Variants in MAPK7 observed in about 807,000 individuals in gnomAD.
MAPK7 encodes BMK-1.
Under a neutral mutation model 56.9 loss-of-function variants are expected in MAPK7, and 30 were observed. That is an observed-to-expected ratio of 0.53 (90% CI 0.39 to 0.72). The LOEUF is 0.72. MAPK7 is among the 30% of genes least tolerant of loss of function. MAPK7 has a pLI of 0.00. For synonymous variants in MAPK7, 516 were observed against 449.3 expected (o/e 1.15, Z -1.88); for missense variants, 952 against 1,110.8 (o/e 0.86, Z 2.03).
At position 19,382,371 on chromosome 17, in the gene MAPK7, G is replaced by A. The variant is rs1229180120; in HGVS notation, c.2068G>A (p.Gly690Ser). The change falls in exon 5 of 7, where the codon GGC becomes AGC. Residue 690 changes from glycine to serine, a missense_variant. Physicochemically the swap from Gly to Ser is moderately conservative, Grantham distance 56. This residue lies in a region of MAPK7 where 234 missense variants were observed against 210.4 expected (regional missense o/e 1.11). Coordinates refer to ENST00000395604, the MANE Select transcript of MAPK7 (RefSeq NM_002749.4). The stretch of plus-strand genomic sequence containing the variant: ...AGGAGTTTTGCCTTACTTCCCACCT[G>A]GCCTGCCGCCCCCAGACGCCGGGGG... ...TPGVLPYFPPGLPPPDAGGAP... is the reference protein window; with the variant it reads ...TPGVLPYFPPSLPPPDAGGAP... The A allele has an allele frequency of 2.3e-5, 37 of 1,613,436 alleles. No homozygotes were observed. The highest frequency in any genetic ancestry group is 2.8e-5 in the Non-Finnish European group (33 of 1,180,022).
rs1598114758 is a variant in MAPK7 at position 19,381,169 on chromosome 17, C to T, written c.960C>T (p.Ala320=). ...ETVYPGADRQ[A]LSLLGRMLRF... is the part of the protein sequence containing the mutation. ...TGTACCCAGGTGCCGACCGCCAGGCCCTATCACTGCTGGGTCGCATGCTGC... is the reference window on the plus strand; with the variant it reads ...TGTACCCAGGTGCCGACCGCCAGGCTCTATCACTGCTGGGTCGCATGCTGC... The change falls in exon 4 of 7, where the codon GCC becomes GCT. Residue 320 remains alanine (A), a synonymous_variant. Transcript: ENST00000395604. This position sits in a 1 kb window ranked among gnomAD's most constrained non-coding sequence, Gnocchi z 4.6. 6.2e-7 allele frequency: 1 copy of T among 1,614,132 alleles called. No homozygotes were observed. The highest frequency in any genetic ancestry group is 2.2e-5 in the East Asian group (1 of 44,872).
At chr17:19,380,411 G>C in intron 3 of MAPK7, 197 bp from the exon 4 acceptor site, 3 of 1,382,212 alleles carry the variant, frequency 2.2e-6, no homozygotes, top group Non-Finnish European at 2.8e-6. Flanking sequence ...AGACAAAAGT[G>C]ATTTAACCAA....
rs1313701692 is a variant in MAPK7, at chr17:19,381,285, G to A, written c.1076G>A (p.Cys359Tyr). 3 of 1,613,960 alleles carry A rather than the reference G, an allele frequency of 1.9e-6. No individual in the cohort carries two copies. Among genetic ancestry groups the A allele is most frequent in the African/African-American group, 1.3e-5 (1 of 74,954 alleles). Residue 359 changes from cysteine (C) to tyrosine (Y), a missense_variant, in exon 4 of 7, where the codon TGT (cysteine) becomes TAT (tyrosine). Around this residue, in one of 5 missense-constraint regions of MAPK7, gnomAD observed 429 missense variants for 533.0 expected, o/e 0.80. Transcript: ENST00000395604. The surrounding 1 kb of genome is among the most constrained non-coding windows in gnomAD (Gnocchi z 4.6). ...CATGATCCTGATGATGAGCCTGACT[G>A]TGCCCCGCCCTTTGACTTTGCCTTT... ...KYHDPDDEPD[C>Y]APPFDFAFDR... is the part of the protein sequence containing the mutation.
chr17:19,381,677 C>A lies in MAPK7; in HGVS notation c.1468C>A (p.Arg490=), dbSNP rs140977816. 8.5e-4 allele frequency: 1,348 copies of A among 1,590,314 alleles called. 26 individuals are homozygous for A. The Admixed American group carries it at 0.023, about 27-fold the overall frequency. Residue 490 remains arginine, a synonymous_variant, in exon 4 of 7, where the codon CGG becomes AGG. Transcript: ENST00000395604. The surrounding 1 kb of genome is among the most constrained non-coding windows in gnomAD (Gnocchi z 4.6). ...KAALLKSLRS[R]LRDGPSAPLE... ...TGCCCTGCTCAAGTCTTTGAGGAGC[C>A]GGCTCAGAGGTGCCTTGTGGGCAGG...
Position 19,380,702 on chromosome 17 carries a change from C to G in MAPK7, c.493C>G (p.Gln165Glu). Residue 165 changes from glutamine to glutamate, a missense_variant, in exon 4 of 7, where the codon CAA becomes GAA. Coordinates refer to ENST00000395604, the MANE Select transcript of MAPK7 (RefSeq NM_002749.4). ...GGAACACGTGCGCTACTTCCTGTAC[C>G]AACTGCTGCGGGGCCTGAAGTACAT... is the stretch of plus-strand genomic sequence containing the variant. ...TLEHVRYFLY[Q>E]LLRGLKYMHS... is the part of the protein sequence containing the mutation. 6.2e-7 allele frequency: 1 copy of G among 1,614,186 alleles called. No individual in the cohort carries two copies. Among genetic ancestry groups the G allele is most frequent in the Non-Finnish European group, 8.5e-7 (1 of 1,180,036 alleles).
rs1912778321 is a variant in MAPK7 at position 19,382,301 on chromosome 17, C to A, written c.1998C>A (p.Ala666=). ...QIATSTSLLA[A]QSLVPPPGLP... is the part of the protein sequence containing the mutation. ...CCACCTCCACCAGCCTCCTGGCTGCCCAGTCACTTGTGCCACCCCCTGGGC... is the reference window on the plus strand; with the variant it reads ...CCACCTCCACCAGCCTCCTGGCTGCACAGTCACTTGTGCCACCCCCTGGGC... Residue 666 remains alanine (A), a synonymous_variant, in exon 5 of 7, where the codon GCC becomes GCA. Coordinates refer to ENST00000395604, the MANE Select transcript of MAPK7 (RefSeq NM_002749.4). 5.0e-6 allele frequency: 8 copies of A among 1,613,226 alleles called. No individual in the cohort carries two copies. The highest frequency in any genetic ancestry group is 5.9e-6 in the Non-Finnish European group (7 of 1,179,994).
In MAPK7 at chr17:19,379,685, C is replaced by CA. The variant is rs34984998; in HGVS notation, c.233-96dup. Reference sequence around the variant, plus strand: ...GTACCCAATACTTGGTAGCTGTTGTCATTTGCATCCTAGAAGGGAGGTGTT... The same window carrying CA: ...GTACCCAATACTTGGTAGCTGTTGTCAATTTGCATCCTAGAAGGGAGGTGTT... On this transcript the variant is annotated intron_variant, in intron 2 of 6. Transcript: ENST00000395604. The CA allele has an allele frequency of 1.3e-3, 1,442 of 1,123,164 alleles. 2 individuals carry two copies. The highest frequency in any genetic ancestry group is 2.3e-3 in the Middle Eastern group (9 of 3,982). The allele number at this position is 1,123,164 out of a possible 1,614,324, so 69.6% of individuals were successfully genotyped here. A position where few individuals can be genotyped will look rare whatever the true frequency, so the allele number is the denominator to read the frequency against.
intron 2 of MAPK7, 91 bp from the exon 3 acceptor site, chr17:19,379,691 C>A: frequency 1.7e-6 from 2 of 1,192,924 alleles, no homozygotes; most frequent in Non-Finnish European, 2.4e-6. Flanking sequence ...TTGTCATTTG[C>A]ATCCTAGAAG....
rs1299746199 is a variant in MAPK7 at position 19,380,688 on chromosome 17, G to A, written c.479G>A (p.Arg160His). 5.6e-6 allele frequency: 9 copies of A among 1,613,968 alleles called. No homozygotes were observed. Among genetic ancestry groups the A allele is most frequent in the African/African-American group, 2.7e-5 (2 of 74,902 alleles). Residue 160 changes from arginine to histidine, a missense_variant, in exon 4 of 7, where the codon CGC becomes CAC. By Grantham distance (29) the Arg-to-His change is conservative (BLOSUM62 0). Around this residue, in one of 5 missense-constraint regions of MAPK7, gnomAD observed 213 missense variants for 243.2 expected, o/e 0.88. Transcript: ENST00000395604. ...SSQPLTLEHV[R>H]YFLYQLLRGL... Reference sequence around the variant, plus strand: ...CAGCCCCTCACACTGGAACACGTGCGCTACTTCCTGTACCAACTGCTGCGG... The same window carrying A: ...CAGCCCCTCACACTGGAACACGTGCACTACTTCCTGTACCAACTGCTGCGG...
At position 19,381,109 on chromosome 17, in the gene MAPK7, C is replaced by T; in HGVS notation, c.900C>T (p.Ser300=). 1 of 1,613,940 alleles carries T rather than the reference C, an allele frequency of 6.2e-7. No individual in the cohort carries two copies. The highest frequency in any genetic ancestry group is 8.5e-7 in the Non-Finnish European group (1 of 1,179,960). ...GAERVRAYIQ[S]LPPRQPVPWE... is the part of the protein sequence containing the mutation. ...AGAGGGTGCGGGCCTATATCCAGAG[C>T]TTGCCACCACGCCAGCCTGTGCCCT... The change falls in exon 4 of 7, where the codon AGC becomes AGT. Residue 300 remains serine, a synonymous_variant. Transcript: ENST00000395604. This position sits in a 1 kb window ranked among gnomAD's most constrained non-coding sequence, Gnocchi z 4.6.
rs1432779004 is a variant in MAPK7 at position 19,381,882 on chromosome 17, C to T, written c.1579C>T (p.Arg527Ter). Reference sequence around the variant, plus strand: ...GGAGAAGCGGCGGAGGCGGCAAGAACGAGCCAAGGAGCGGGAGAAACGGCG... The same window carrying T: ...GGAGAAGCGGCGGAGGCGGCAAGAATGAGCCAAGGAGCGGGAGAAACGGCG... ...REEKRRRRQE[R>*]AKEREKRRQE... The change falls in exon 5 of 7, where the codon CGA becomes TGA. Residue 527 changes from arginine (R) to a stop codon, truncating the protein, a stop_gained. Coordinates refer to ENST00000395604, the MANE Select transcript of MAPK7 (RefSeq NM_002749.4). LOFTEE classifies it high-confidence loss of function. This position sits in a 1 kb window ranked among gnomAD's most constrained non-coding sequence, Gnocchi z 4.6. 6 of 1,571,916 alleles carry T rather than the reference C, an allele frequency of 3.8e-6. No individual in the cohort carries two copies. Among genetic ancestry groups the T allele is most frequent in the East Asian group, 2.3e-5 (1 of 42,894 alleles).
At position 19,382,023 on chromosome 17, in the gene MAPK7, C is replaced by T; in HGVS notation, c.1720C>T (p.Arg574Ter). ...CAGAAGCCTGTTGGAACGCTGGACTCGAATGGCCCGGCCCGCAGCCCCAGC... is the reference window on the plus strand; with the variant it reads ...CAGAAGCCTGTTGGAACGCTGGACTTGAATGGCCCGGCCCGCAGCCCCAGC... ...NDRSLLERWT[R>*]MARPAAPALT... Residue 574 changes from arginine (R) to a stop codon, truncating the protein, a stop_gained, in exon 5 of 7, where the codon CGA (arginine) becomes TGA (stop). Coordinates refer to ENST00000395604, the MANE Select transcript of MAPK7 (RefSeq NM_002749.4). LOFTEE classifies it high-confidence loss of function. 2.6e-6 allele frequency: 4 copies of T among 1,559,542 alleles called. No individual in the cohort carries two copies. Among genetic ancestry groups the T allele is most frequent in the Admixed American group, 1.9e-5 (1 of 51,482 alleles).
rs1418800673 is a variant in MAPK7, at chr17:19,382,164, G to A, written c.1861G>A (p.Ala621Thr). ...GCCCACTGGCCCGCAACCACAATCT[G>A]CGGGCTCTACCTCTGGCCCTGTACC... is the stretch of plus-strand genomic sequence containing the variant. ...AQPTGPQPQSAGSTSGPVPQP... is the reference protein window; with the variant it reads ...AQPTGPQPQSTGSTSGPVPQP... Residue 621 changes from alanine (A) to threonine (T), a missense_variant, in exon 5 of 7, where the codon GCG (alanine) becomes ACG (threonine). Coordinates refer to ENST00000395604, the MANE Select transcript of MAPK7 (RefSeq NM_002749.4). The A allele has an allele frequency of 1.9e-6, 3 of 1,612,218 alleles. No individual in the cohort carries two copies. In the East Asian group the frequency reaches 6.7e-5, roughly 36 times the overall value.
In MAPK7 at chr17:19,383,154, AT is replaced by A; in HGVS notation, c.2376del (p.Ile792MetfsTer130). ...AGGCCATGGCATGAACCCTGCCGAT[AT>A]TGAGTCCCTGCAGCGTGAGATCCAG... ...LEGHGMNPADIESLQREIQMD... is the reference protein window; with the variant it reads ...LEGHGMNPADXESLQREIQMD... On this transcript the variant is annotated frameshift_variant, in exon 7 of 7. Coordinates refer to ENST00000395604, the MANE Select transcript of MAPK7 (RefSeq NM_002749.4). LOFTEE classifies it high-confidence loss of function. 1 of 1,613,988 alleles carries A rather than the reference AT, an allele frequency of 6.2e-7. No individual in the cohort carries two copies. The highest frequency in any genetic ancestry group is 1.7e-5 in the Admixed American group (1 of 60,020).
rs1416063351 is a variant in MAPK7, at chr17:19,383,281, AT to A, written c.*51del. 6.3e-7 allele frequency: 1 copy of A among 1,595,840 alleles called. No homozygotes were observed. The highest frequency in any genetic ancestry group is 1.3e-5 in the African/African-American group (1 of 74,512). ...CACAGTAGACCTAGTTCCAGGATCC[AT>A]GGGAGCATTCTCAAAGGCTTTAGCC... On this transcript the variant is annotated 3_prime_UTR_variant, in exon 7 of 7. Coordinates refer to ENST00000395604, the MANE Select transcript of MAPK7 (RefSeq NM_002749.4).
Position 19,381,204 on chromosome 17 carries a change from C to A in MAPK7, c.995C>A (p.Pro332His). The A allele has an allele frequency of 6.2e-7, 1 of 1,614,134 alleles. No individual in the cohort carries two copies. The highest frequency in any genetic ancestry group is 8.5e-7 in the Non-Finnish European group (1 of 1,180,040). ...CTGGGTCGCATGCTGCGTTTTGAGC[C>A]CAGCGCTCGCATCTCAGCAGCTGCT... is the stretch of plus-strand genomic sequence containing the variant. ...SLLGRMLRFE[P>H]SARISAAAAL... Residue 332 changes from proline to histidine, a missense_variant, in exon 4 of 7, where the codon CCC becomes CAC. Transcript: ENST00000395604. The surrounding 1 kb of genome is among the most constrained non-coding windows in gnomAD (Gnocchi z 4.6).
Position 19,381,035 on chromosome 17 carries a change from AT to A in MAPK7, c.827del (p.Met276ArgfsTer10). ...TGTACACCAGCTACAGCTCATCATGATGGTGCTGGGTACCCCATCACCAGCC... is the reference window on the plus strand; with the variant it reads ...TGTACACCAGCTACAGCTCATCATGAGGTGCTGGGTACCCCATCACCAGCC... ...NYVHQLQLIMMVLGTPSPAVI... is the reference protein window; with the variant it reads ...NYVHQLQLIMXVLGTPSPAVI... On this transcript the variant is annotated frameshift_variant, in exon 4 of 7. Coordinates refer to ENST00000395604, the MANE Select transcript of MAPK7 (RefSeq NM_002749.4). LOFTEE classifies it high-confidence loss of function. This position sits in a 1 kb window ranked among gnomAD's most constrained non-coding sequence, Gnocchi z 4.6. 1 of 1,614,082 alleles carries A rather than the reference AT, an allele frequency of 6.2e-7. No individual in the cohort carries two copies. The highest frequency in any genetic ancestry group is 8.5e-7 in the Non-Finnish European group (1 of 1,180,030).
intron 6 of MAPK7, 26 bp downstream of exon 6, chr17:19,382,972 G>T: frequency 6.2e-7 from 1 of 1,613,946 alleles, no homozygotes; most frequent in South Asian, 1.1e-5. Flanking sequence ...TGAGCTCCTA[G>T]ACTGGGACTG....
rs748679283 is a variant in MAPK7 at position 19,380,687 on chromosome 17, C to T, written c.478C>T (p.Arg160Cys). The change falls in exon 4 of 7, where the codon CGC becomes TGC. Residue 160 changes from arginine (R) to cysteine (C), a missense_variant. Around this residue, in one of 5 missense-constraint regions of MAPK7, gnomAD observed 213 missense variants for 243.2 expected, o/e 0.88. Transcript: ENST00000395604. ...SSQPLTLEHVRYFLYQLLRGL... is the reference protein window; with the variant it reads ...SSQPLTLEHVCYFLYQLLRGL... ...ACAGCCCCTCACACTGGAACACGTG[C>T]GCTACTTCCTGTACCAACTGCTGCG... The T allele has an allele frequency of 5.4e-5, 87 of 1,614,038 alleles. No individual in the cohort carries two copies. The highest frequency in any genetic ancestry group is 1.6e-4 in the Middle Eastern group (1 of 6,084).
Sources: gnomAD v4.1 joint callset for allele counts on GRCh38, gnomAD v4.1.1 for gene constraint, gnomAD v4.1.1 regional missense constraint, Gnocchi (gnomAD v3.1) non-coding constraint, MANE v1.5 for transcripts, NCBI Gene and HGNC (gene_info 2026-07-23, HGNC 2026-07-21) for gene names.